Variants in CUL5 observed in about 807,000 individuals in gnomAD.
The protein encoded by CUL5 is cullin-5.
A neutral mutation model predicts 108.8 loss-of-function variants in CUL5; 26 were observed. The observed-to-expected ratio is 0.24, with a 90% CI of 0.18 to 0.33. The LOEUF is 0.33. Among genes scored for constraint, CUL5 ranks in the 10% least tolerant of loss-of-function variants. The pLI, the probability that CUL5 is intolerant of heterozygous loss-of-function variation, is 1.00. For missense variants in CUL5, 524 were observed against 909.2 expected, an observed-to-expected ratio of 0.58 and a Z score of 5.45; for synonymous variants, 334 against 298.0, an observed-to-expected ratio of 1.12 and a Z score of -1.25.
chr11:108,087,348 A>G (rs984937445), intron 11 of CUL5, among the ~76,000 whole-genome samples: 1 of 152,224 alleles, frequency 6.6e-6, no homozygotes, highest in African/African-American at 2.4e-5. Flanking sequence ...GATTATTTGT[A>G]TACTTAAAAT....
At chr11:108,016,559 C>T (rs987626455) in intron 1 of CUL5, among the ~76,000 whole-genome samples, 1 of 152,196 alleles carries the variant, frequency 6.6e-6, no homozygotes, top group African/African-American at 2.4e-5. Flanking sequence ...TGAGGTTTCT[C>T]TTAATAAATA....
At chr11:108,052,165 C>G (rs996512931) in intron 4 of CUL5, among the ~76,000 whole-genome samples, 3 of 152,054 alleles carry the variant, frequency 2.0e-5, no homozygotes, top group Admixed American at 6.6e-5. Flanking sequence ...TGAGATGGGT[C>G]TTACTGTGTT....
At chr11:108,052,966 A>G (rs901304627) in intron 5 of CUL5, among the ~76,000 whole-genome samples, 165 bp downstream of exon 5, 2 of 152,232 alleles carry the variant, frequency 1.3e-5, no homozygotes, top group Admixed American at 6.5e-5. Flanking sequence ...TGCTTAAAAG[A>G]ATGTATAAAA....
chr11:108,066,570 C>A (rs1004302481), intron 7 of CUL5, among the ~76,000 whole-genome samples: 1 of 152,004 alleles, frequency 6.6e-6, no homozygotes, highest in Non-Finnish European at 1.5e-5. Flanking sequence ...TCTTTTAACT[C>A]ACCTTGTAAT....
intron 4 of CUL5, 59 bp downstream of exon 4, chr11:108,050,125 G>A (rs992870112): frequency 1.4e-6 from 2 of 1,409,582 alleles, no homozygotes; most frequent in African/African-American, 1.5e-5. Context: ...TAATTTGGAA[G>A]CATTTGAAAG....
intron 11 of CUL5, among the ~76,000 whole-genome samples, chr11:108,082,819 G>A (rs1472310459): frequency 6.6e-6 from 1 of 151,012 alleles, no homozygotes; most frequent in East Asian, 2.0e-4. Flanking sequence ...TTGAGACAGG[G>A]TCTTGCTGTG....
At chr11:108,099,336 A>G (rs1425105345) in intron 18 of CUL5, among the ~76,000 whole-genome samples, 2 of 152,196 alleles carry the variant, frequency 1.3e-5, no homozygotes, top group Non-Finnish European at 1.5e-5. Context: ...AAACAAGACG[A>G]AAAGATTAAA....
chr11:108,094,910 C>T lies in CUL5; in HGVS notation c.1666C>T (p.Pro556Ser). 1 of 1,612,874 alleles carries T rather than the reference C, an allele frequency of 6.2e-7. No homozygotes were observed. Among genetic ancestry groups the T allele is most frequent in the Non-Finnish European group, 8.5e-7 (1 of 1,179,224 alleles). Residue 556 changes from proline to serine, a missense_variant, in exon 15 of 19, where the codon CCG becomes TCG. Physicochemically the swap from Pro to Ser is moderately conservative, Grantham distance 74. Transcript: ENST00000393094. ...TCCTACTGAACTGGAGGACTTGATA[C>T]CGGAAGTAGAAGAATTCTACAAAAA... ...SLPTELEDLI[P>S]EVEEFYKKNH...
Position 108,104,949 on chromosome 11 carries a change from C to T in CUL5, c.*565C>T, listed in dbSNP as rs905731973. On this transcript the variant is annotated 3_prime_UTR_variant, in exon 19 of 19. Coordinates refer to ENST00000393094, the MANE Select transcript of CUL5 (RefSeq NM_003478.6). Reference sequence around the variant, plus strand: ...AGTATCAAATTGTTCAAACATTGCTCAGTATAATAACTGGATTTTAATGGT... The same window carrying T: ...AGTATCAAATTGTTCAAACATTGCTTAGTATAATAACTGGATTTTAATGGT... The T allele has an allele frequency of 6.6e-6, 1 of 152,446 alleles. No individual in the cohort carries two copies. The highest frequency in any genetic ancestry group is 1.5e-5 in the Non-Finnish European group (1 of 68,006). 9.4% of individuals were successfully genotyped at this position (152,446 alleles called of 1,614,324 possible). A position where few individuals can be genotyped will look rare whatever the true frequency, so the allele number is the denominator to read the frequency against.
chr11:108,090,358 G>T (rs188648551), intron 13 of CUL5, among the ~76,000 whole-genome samples: 1 of 151,526 alleles, frequency 6.6e-6, no homozygotes, highest in Admixed American at 6.6e-5. Context: ...GCGTGGTGGT[G>T]GGGGGCCTGT....
chr11:108,043,098 G>A (rs996135424), intron 2 of CUL5, among the ~76,000 whole-genome samples: 7 of 151,640 alleles, frequency 4.6e-5, no homozygotes, highest in African/African-American at 1.7e-4. Context: ...TTAGAGGCAG[G>A]GCATTACTCT....
At chr11:108,051,570 T>C (rs956638463) in intron 4 of CUL5, among the ~76,000 whole-genome samples, 1 of 152,234 alleles carries the variant, frequency 6.6e-6, no homozygotes, top group Non-Finnish European at 1.5e-5. Context: ...TTATTGTTGC[T>C]GTCATTAATG....
intron 16 of CUL5, among the ~76,000 whole-genome samples, chr11:108,097,165 A>G (rs1864522555): frequency 2.0e-5 from 3 of 152,028 alleles, no homozygotes; most frequent in Admixed American, 2.0e-4. Context: ...CTACAGGTGC[A>G]TGCCCCACGC....
chr11:108,025,631 CTG>C (rs1403569336), intron 1 of CUL5, among the ~76,000 whole-genome samples: 1 of 152,180 alleles, frequency 6.6e-6, no homozygotes, highest in African/African-American at 2.4e-5. Context: ...GTTTCTGGCC[CTG>C]TGTGCACTCT....
chr11:108,063,862 A>C (rs993225143), intron 7 of CUL5, among the ~76,000 whole-genome samples: 1 of 152,058 alleles, frequency 6.6e-6, no homozygotes, highest in Admixed American at 6.6e-5. Flanking sequence ...TCATTATACG[A>C]GGGTTCCTTT....
chr11:108,097,385 A>G (rs1049053806), intron 16 of CUL5, among the ~76,000 whole-genome samples: 5 of 152,226 alleles, frequency 3.3e-5, no homozygotes, highest in African/African-American at 9.6e-5. Flanking sequence ...GGTGTTTACT[A>G]TGGTCCTGTG....
chr11:108,028,399 A>G (rs1396411356), intron 1 of CUL5, among the ~76,000 whole-genome samples: 1 of 152,142 alleles, frequency 6.6e-6, no homozygotes, highest in African/African-American at 2.4e-5. Flanking sequence ...AAATTGAACC[A>G]CTTCTCATAC....
intron 1 of CUL5, among the ~76,000 whole-genome samples, chr11:108,019,424 C>G (rs1862277473): frequency 1.3e-5 from 2 of 152,130 alleles, no homozygotes; most frequent in African/African-American, 4.8e-5. Context: ...AACTGAGTTC[C>G]TTTGGTAAAG....
chr11:108,086,392 C>T (rs770649653), intron 11 of CUL5, among the ~76,000 whole-genome samples: 14 of 152,098 alleles, frequency 9.2e-5, no homozygotes, highest in Non-Finnish European at 1.8e-4. Context: ...GAGTTCAAGA[C>T]CAGCCTGAGC....
Sources: gnomAD v4.1 joint callset for allele counts (sites outside exome capture counted in the v4.1 genomes callset) on GRCh38, gnomAD v4.1.1 for gene constraint, MANE v1.5 for transcripts, NCBI Gene and HGNC (gene_info 2026-07-23, HGNC 2026-07-21) for gene names.